The following MAP3K21 variants were observed in gnomAD, a reference collection of about 807,000 sequenced individuals.
MAP3K21 encodes the protein mitogen-activated protein kinase kinase kinase 21.
Under a neutral mutation model 86.1 loss-of-function variants are expected in MAP3K21, and 63 were observed. The ratio of observed to expected loss-of-function variants is 0.73; its 90% CI spans 0.60 to 0.90. The LOEUF (loss-of-function observed/expected upper bound fraction) is 0.90, where lower values mean the gene tolerates loss of function less well. Among genes scored for constraint, MAP3K21 ranks in the 40% least tolerant of loss-of-function variants. MAP3K21 has a pLI of 0.00. For synonymous variants in MAP3K21, 558 were observed against 564.8 expected, an observed-to-expected ratio of 0.99 and a Z score of 0.17; for missense variants, 1,220 against 1,367.7, an observed-to-expected ratio of 0.89 and a Z score of 1.70.
chr1:233,354,502 A>G (rs3942466), intron 3 of MAP3K21, among the ~76,000 whole-genome samples: 63,377 of 151,556 alleles, frequency 0.42, 13,620 homozygotes, highest in East Asian at 0.59. Context: ...TCAGTAAATG[A>G]TCTGGTTATG....
In MAP3K21 at chr1:233,384,044, G is replaced by A. The variant is rs1417659746; in HGVS notation, c.*1333G>A. The A allele has an allele frequency of 3.9e-5, 6 of 152,034 alleles. No individual in the cohort carries two copies. The highest frequency in any genetic ancestry group is 8.8e-5 in the Non-Finnish European group (6 of 67,988). The allele number at this position is 152,034 out of a possible 1,614,324, so 9.4% of individuals were successfully genotyped here. On this transcript the variant is annotated 3_prime_UTR_variant, in exon 10 of 10. Coordinates refer to ENST00000366624, the MANE Select transcript of MAP3K21 (RefSeq NM_032435.3). ...GTTAAATGTATTGTGCTTCCCTTCT[G>A]TCTCTAGAATGTGGCTCTTCAGAAG...
chr1:233,359,973 A>G (rs1663436386), intron 4 of MAP3K21, among the ~76,000 whole-genome samples: 1 of 152,110 alleles, frequency 6.6e-6, no homozygotes, highest in African/African-American at 2.4e-5. Context: ...TTTGTTTATT[A>G]TTCACAAATT....
intron 1 of MAP3K21, among the ~76,000 whole-genome samples, chr1:233,338,144 T>G (rs1662951131): frequency 6.6e-6 from 1 of 152,202 alleles, no homozygotes; most frequent in South Asian, 2.1e-4. Context: ...TCATTAAAAC[T>G]GAGTATACTA....
chr1:233,348,458 T>G (rs1175836487), intron 2 of MAP3K21, among the ~76,000 whole-genome samples: 1 of 152,172 alleles, frequency 6.6e-6, no homozygotes, highest in Non-Finnish European at 1.5e-5. Context: ...CCTGAACACA[T>G]TTTTGTGAGA....
chr1:233,354,927 G>A lies in MAP3K21; in HGVS notation c.1227G>A (p.Met409Ile). 1 of 1,613,892 alleles carries A rather than the reference G, an allele frequency of 6.2e-7. No homozygotes were observed. Among genetic ancestry groups the A allele is most frequent in the African/African-American group, 1.3e-5 (1 of 75,048 alleles). ...TTGAAGGGGCAGTGATGACTGAGAT[G>A]CCTCAAGAATCTTTTCATTCCATGC... ...TAIEGAVMTE[M>I]PQESFHSMQD... Residue 409 changes from methionine to isoleucine, a missense_variant, in exon 4 of 10, where the codon ATG (methionine) becomes ATA (isoleucine). Around this residue, in one of 5 missense-constraint regions of MAP3K21, gnomAD observed 126 missense variants for 127.7 expected, o/e 0.99. Coordinates refer to ENST00000366624, the MANE Select transcript of MAP3K21 (RefSeq NM_032435.3).
At chr1:233,355,272 T>C (rs945027798) in intron 4 of MAP3K21, among the ~76,000 whole-genome samples, 2 of 152,238 alleles carry the variant, frequency 1.3e-5, no homozygotes, top group Non-Finnish European at 2.9e-5. Context: ...ATGGACACTT[T>C]GTATGCATTA....
rs1438389561 is a variant in MAP3K21 at position 233,346,461 on chromosome 1, A to G, written c.825A>G (p.Ile275Met). 8.1e-6 allele frequency: 13 copies of G among 1,606,858 alleles called. No homozygotes were observed. Among genetic ancestry groups the G allele is most frequent in the African/African-American group, 1.3e-5 (1 of 74,714 alleles). ...KSSNILLLEK[I>M]EHDDICNKTL... ...CTTTAGTTTTGCTACTTGAGAAGAT[A>G]GAACATGATGACATCTGCAATAAAA... Residue 275 changes from isoleucine to methionine, a missense_variant, in exon 2 of 10, where the codon ATA (isoleucine) becomes ATG (methionine). Coordinates refer to ENST00000366624, the MANE Select transcript of MAP3K21 (RefSeq NM_032435.3).
rs904576787 is a variant in MAP3K21 at position 233,340,386 on chromosome 1, A to AGT, written c.806-6054_806-6053dup. On this transcript the variant is annotated intron_variant, in intron 1 of 9. Coordinates refer to ENST00000366624, the MANE Select transcript of MAP3K21 (RefSeq NM_032435.3). ...TCCATTCTGTAAGGAGGCACAGGGC[A>AGT]GTGGGGAGACAGAAAAAGGCAATGC... Among the ~76,000 whole-genome samples the AGT allele has an allele frequency of 1.0e-3, 159 of 152,324 alleles. 1 individual carries two copies. Among genetic ancestry groups the AGT allele is most frequent in the African/African-American group, 3.6e-3 (148 of 41,574 alleles).
Position 233,347,677 on chromosome 1 carries a change from A to T in MAP3K21, c.986+1055A>T, listed in dbSNP as rs1353430183. Among the ~76,000 whole-genome samples, 3 of 152,286 alleles carry T rather than the reference A, an allele frequency of 2.0e-5. No homozygotes were observed. The East Asian group carries it at 5.8e-4, about 29-fold the overall frequency. ...TCTCACTTATAAGTAGGAGCTTAAC[A>T]TTGGGTACTCAGGGATATAACGATG... On this transcript the variant is annotated intron_variant, in intron 2 of 9. Coordinates refer to ENST00000366624, the MANE Select transcript of MAP3K21 (RefSeq NM_032435.3).
intron 9 of MAP3K21, among the ~76,000 whole-genome samples, chr1:233,380,010 C>T (rs958551025): frequency 2.0e-5 from 3 of 152,178 alleles, no homozygotes; most frequent in Admixed American, 6.5e-5. Flanking sequence ...AGCCAGCTGC[C>T]CCAGTTAGAA....
rs201031434 is a variant in MAP3K21, at chr1:233,362,113, G to A, written c.1372G>A (p.Glu458Lys). Residue 458 changes from glutamate (E) to lysine (K), a missense_variant, in exon 5 of 10, where the codon GAG becomes AAG. Glu to Lys is a moderately conservative substitution (Grantham distance 56). Around this residue, in one of 5 missense-constraint regions of MAP3K21, gnomAD observed 126 missense variants for 127.7 expected, o/e 0.99. Coordinates refer to ENST00000366624, the MANE Select transcript of MAP3K21 (RefSeq NM_032435.3). ...GGCTCTGCAGCAGAAGTCTCAGGAG[G>A]AGCTGCTAAAGCGGCGTGAGCAGCA... is the stretch of plus-strand genomic sequence containing the variant. Reference protein sequence around the residue: ...RAALQQKSQEELLKRREQQLA... With the variant: ...RAALQQKSQEKLLKRREQQLA... 3 of 1,613,954 alleles carry A rather than the reference G, an allele frequency of 1.9e-6. No individual in the cohort carries two copies. The African/African-American group carries it at 4.0e-5, about 21-fold the overall frequency.
At chr1:233,348,937 A>G (rs2102764653) in intron 2 of MAP3K21, among the ~76,000 whole-genome samples, 1 of 152,322 alleles carries the variant, frequency 6.6e-6, no homozygotes, top group South Asian at 2.1e-4. Context: ...CCTCAAATTC[A>G]CAGCTGAAGT....
intron 1 of MAP3K21, among the ~76,000 whole-genome samples, chr1:233,331,451 A>T (rs753386272): frequency 3.9e-5 from 6 of 152,242 alleles, no homozygotes; most frequent in Non-Finnish European, 8.8e-5. Flanking sequence ...GAATAAATGC[A>T]GATTTGAAAT....
chr1:233,359,251 C>T (rs966446651), intron 4 of MAP3K21, among the ~76,000 whole-genome samples: 7 of 152,010 alleles, frequency 4.6e-5, no homozygotes, highest in Non-Finnish European at 7.4e-5. Context: ...CTCTACTTTG[C>T]GATTTGTAGT....
At chr1:233,332,813 T>C (rs1158195092) in intron 1 of MAP3K21, among the ~76,000 whole-genome samples, 1 of 148,650 alleles carries the variant, frequency 6.7e-6, no homozygotes, top group Non-Finnish European at 1.5e-5. Flanking sequence ...CCTTTTTCTT[T>C]TTTGATGTTG....
At chr1:233,348,458 T>C (rs1175836487) in intron 2 of MAP3K21, among the ~76,000 whole-genome samples, 10 of 152,172 alleles carry the variant, frequency 6.6e-5, no homozygotes, top group African/African-American at 1.9e-4. Flanking sequence ...CCTGAACACA[T>C]TTTTGTGAGA....
chr1:233,353,078 G>T (rs761181091), intron 2 of MAP3K21, among the ~76,000 whole-genome samples: 1 of 152,176 alleles, frequency 6.6e-6, no homozygotes, highest in South Asian at 2.1e-4. Context: ...GCTTGTTCTT[G>T]TTTGTGGCTG....
At chr1:233,344,081 G>A (rs967982321) in intron 1 of MAP3K21, among the ~76,000 whole-genome samples, 1 of 152,186 alleles carries the variant, frequency 6.6e-6, no homozygotes, top group African/African-American at 2.4e-5. Flanking sequence ...GGGCCAGGTA[G>A]GAGGGTGCAG....
Position 233,383,664 on chromosome 1 carries a change from T to A in MAP3K21, c.*953T>A, listed in dbSNP as rs1388156656. Reference sequence around the variant, plus strand: ...ATCATGTACTGTAAACAGTCATGTGTCTTAATTTTATTTTCTCTATTTGAG... The same window carrying A: ...ATCATGTACTGTAAACAGTCATGTGACTTAATTTTATTTTCTCTATTTGAG... On this transcript the variant is annotated 3_prime_UTR_variant, in exon 10 of 10. Transcript: ENST00000366624. The A allele has an allele frequency of 6.6e-6, 1 of 152,182 alleles. No individual in the cohort carries two copies. Among genetic ancestry groups the A allele is most frequent in the African/African-American group, 2.4e-5 (1 of 41,444 alleles). 9.4% of individuals were successfully genotyped at this position (152,182 alleles called of 1,614,324 possible).
Sources: gnomAD v4.1 joint callset for allele counts (sites outside exome capture counted in the v4.1 genomes callset) on GRCh38, gnomAD v4.1.1 for gene constraint, gnomAD v4.1.1 regional missense constraint, MANE v1.5 for transcripts, NCBI Gene and HGNC (gene_info 2026-07-23, HGNC 2026-07-21) for gene names.